The following ANKRD30B variants were observed in gnomAD, a reference collection of about 807,000 sequenced individuals.
The protein encoded by ANKRD30B is ankyrin repeat domain-containing protein 30B.
ANKRD30B carries 144 observed loss-of-function variants against 202.2 expected under a neutral mutation model. The ratio of observed to expected loss-of-function variants is 0.71; its 90% CI spans 0.62 to 0.82. The LOEUF (loss-of-function observed/expected upper bound fraction) is 0.82. Ranked by LOEUF, ANKRD30B falls within the 40% of genes least tolerant of loss-of-function variation. The pLI is 0.00. For synonymous variants in ANKRD30B, 508 were observed against 561.3 expected, an observed-to-expected ratio of 0.91 and a Z score of 1.34; for missense variants, 1,487 against 1,669.1, an observed-to-expected ratio of 0.89 and a Z score of 1.90.
intron 11 of ANKRD30B, among the ~76,000 whole-genome samples, chr18:14,781,482 A>G (rs1339724778): frequency 9.3e-5 from 5 of 53,748 alleles, no homozygotes; most frequent in Non-Finnish European, 1.8e-4. Flanking sequence ...TTTTTTTAGT[A>G]GAGACGGGAT....
At chr18:14,866,025 T>C in the ANKRD30B span, among the ~76,000 whole-genome samples, 2 of 152,174 alleles carry the variant, frequency 1.3e-5, no homozygotes, top group South Asian at 2.1e-4. Context: ...CATGTTCTGA[T>C]TGGATGAAAG....
In ANKRD30B at chr18:14,837,611, G is replaced by A. The variant is rs751251411; in HGVS notation, c.2927-4G>A. The A allele has an allele frequency of 1.4e-5, 21 of 1,523,352 alleles. No individual in the cohort carries two copies. The highest frequency in any genetic ancestry group is 2.9e-5 in the African/African-American group (2 of 70,134). 94.4% of individuals were successfully genotyped at this position (1,523,352 alleles called of 1,614,324 possible). Reference sequence around the variant, plus strand: ...TATACATGTCTGTGAATAACATTTTGTAGATAAGATGCCCACATCAGAATT... The same window carrying A: ...TATACATGTCTGTGAATAACATTTTATAGATAAGATGCCCACATCAGAATT... On this transcript the variant is annotated splice_polypyrimidine_tract_variant and splice_region_variant and intron_variant, in intron 35 of 43. Transcript: ENST00000690538.
intron 30 of ANKRD30B, among the ~76,000 whole-genome samples, chr18:14,817,346 A>T (rs1336299053): frequency 6.6e-6 from 1 of 152,134 alleles, no homozygotes; most frequent in Non-Finnish European, 1.5e-5. Context: ...ACTCTAAAAA[A>T]CTCCAGTGTA....
chr18:14,798,365 A>G (rs1969067405), intron 20 of ANKRD30B, among the ~76,000 whole-genome samples: 1 of 152,164 alleles, frequency 6.6e-6, no homozygotes, highest in Non-Finnish European at 1.5e-5. Flanking sequence ...GTACACAGGG[A>G]TAAGAATTTA....
the ANKRD30B span, among the ~76,000 whole-genome samples, chr18:14,892,975 C>T: frequency 6.6e-6 from 1 of 151,904 alleles, no homozygotes; most frequent in East Asian, 1.9e-4. Context: ...TCTTATCCCT[C>T]CACATATTAG....
chr18:14,867,289 A>G, the ANKRD30B span, among the ~76,000 whole-genome samples: 4 of 116,274 alleles, frequency 3.4e-5, no homozygotes, highest in Non-Finnish European at 6.7e-5. Context: ...TGTGGGCACA[A>G]TCTGGGGGCT....
the ANKRD30B span, among the ~76,000 whole-genome samples, chr18:14,871,058 C>A: frequency 1.7e-5 from 2 of 117,648 alleles, no homozygotes; most frequent in Admixed American, 8.3e-5. Context: ...CACACCCCCA[C>A]CCACACACCC....
In ANKRD30B at chr18:14,837,821, C is replaced by G. The variant is rs561571177; in HGVS notation, c.2988+145C>G. The G allele has an allele frequency of 3.8e-3, 3,713 of 987,484 alleles. 14 individuals are homozygous for G. The highest frequency in any genetic ancestry group is 4.7e-3 in the Non-Finnish European group (3,278 of 699,552). The allele number at this position is 987,484 out of a possible 1,614,324, so 61.2% of individuals were successfully genotyped here. ...ACGAGGTCAGGAGATCGAGACCATCCTGGCTAACATGGTGAAATCTCGTCT... is the reference window on the plus strand; with the variant it reads ...ACGAGGTCAGGAGATCGAGACCATCGTGGCTAACATGGTGAAATCTCGTCT... On this transcript the variant is annotated intron_variant, in intron 36 of 43. Coordinates refer to ENST00000690538, the MANE Select transcript of ANKRD30B (RefSeq NM_001367607.2).
At chr18:14,791,578 A>G (rs1358291634) in intron 16 of ANKRD30B, 87 bp downstream of exon 16, 1 of 1,030,410 alleles carries the variant, frequency 9.7e-7, no homozygotes, top group African/African-American at 1.6e-5. Context: ...AGATGAAGAA[A>G]ATTACCTCCT....
At chr18:14,810,560 C>G (rs1209082059) in intron 28 of ANKRD30B, among the ~76,000 whole-genome samples, 2 of 151,012 alleles carry the variant, frequency 1.3e-5, no homozygotes, top group Non-Finnish European at 2.9e-5. Flanking sequence ...GCTGACGTGA[C>G]AGTTGTGAGT....
At chr18:14,821,632 A>G (rs1970427073) in intron 30 of ANKRD30B, among the ~76,000 whole-genome samples, 1 of 151,892 alleles carries the variant, frequency 6.6e-6, no homozygotes, top group South Asian at 2.1e-4. Flanking sequence ...TGATTTTTGT[A>G]TTTTTTGTGG....
chr18:14,888,718 T>C, the ANKRD30B span: 9 of 833,212 alleles, frequency 1.1e-5, no homozygotes, highest in East Asian at 1.4e-4. Flanking sequence ...GTTATTGCCA[T>C]AGGAAGAACG....
chr18:14,765,896 A>G (rs1322230372), intron 7 of ANKRD30B, among the ~76,000 whole-genome samples: 3 of 152,260 alleles, frequency 2.0e-5, no homozygotes, highest in Non-Finnish European at 2.9e-5. Flanking sequence ...GATTTGTTTT[A>G]CTGAATTTTT....
the ANKRD30B span, among the ~76,000 whole-genome samples, chr18:14,871,147 A>ACCCACACACCCCCC: frequency 1.2e-5 from 1 of 81,054 alleles, no homozygotes; most frequent in African/African-American, 5.1e-5. Flanking sequence ...ACACACCCCC[A>ACCCACACACCCCCC]CCCACACACC....
At chr18:14,808,905 T>C (rs1969730574) in intron 26 of ANKRD30B, among the ~76,000 whole-genome samples, 161 bp downstream of exon 26, 1 of 150,978 alleles carries the variant, frequency 6.6e-6, no homozygotes, top group Non-Finnish European at 1.5e-5. Context: ...GAAAATGTCA[T>C]TTAGAAGCAT....
At chr18:14,807,565 T>C (rs1237069261) in intron 24 of ANKRD30B, among the ~76,000 whole-genome samples, 1 of 148,448 alleles carries the variant, frequency 6.7e-6, no homozygotes, top group East Asian at 1.9e-4. Context: ...AGAGTCTCGC[T>C]CTGTCATCCA....
chr18:14,909,426 TAGAC>T, the ANKRD30B span, among the ~76,000 whole-genome samples: 1 of 152,190 alleles, frequency 6.6e-6, no homozygotes, highest in Non-Finnish European at 1.5e-5. Flanking sequence ...TTGTTGTTGT[TAGAC>T]AGTGTCTTGC....
chr18:14,898,336 A>G, the ANKRD30B span, among the ~76,000 whole-genome samples: 1 of 152,162 alleles, frequency 6.6e-6, no homozygotes, highest in African/African-American at 2.4e-5. Flanking sequence ...TCAAATCGTC[A>G]GGCATTAGTG....
the ANKRD30B span, among the ~76,000 whole-genome samples, chr18:14,892,391 C>T: frequency 1.3e-5 from 2 of 152,182 alleles, no homozygotes; most frequent in African/African-American, 4.8e-5. Context: ...ACTCCCAAAA[C>T]ATTTTCCTCT....
Sources: allele counts gnomAD v4.1 joint callset (sites outside exome capture counted in the v4.1 genomes callset), GRCh38; gene constraint gnomAD v4.1.1; transcripts MANE v1.5; gene names NCBI Gene and HGNC (gene_info 2026-07-23, HGNC 2026-07-21).